Variants in SECISBP2 observed in about 807,000 individuals in gnomAD.
The protein encoded by SECISBP2 is selenocysteine insertion sequence-binding protein 2.
A neutral mutation model predicts 98.2 loss-of-function variants in SECISBP2; 96 were observed. That is an observed-to-expected ratio of 0.98 (90% CI 0.83 to 1.16). The LOEUF (loss-of-function observed/expected upper bound fraction) is 1.16. SECISBP2 is among the 50% of genes most tolerant of loss of function. The pLI is 0.00. For synonymous variants in SECISBP2, 407 were observed against 370.2 expected, an observed-to-expected ratio of 1.10 and a Z score of -1.14; for missense variants, 1,046 against 1,022.9, an observed-to-expected ratio of 1.02 and a Z score of -0.31.
At chr9:89,338,353 CAT>C in intron 7 of SECISBP2, 103 bp from the exon 8 acceptor site, 1 of 1,304,456 alleles carries the variant, frequency 7.7e-7, no homozygotes, top group Non-Finnish European at 1.1e-6. Flanking sequence ...ATAAAATTGT[CAT>C]GTGATTATAG....
intron 7 of SECISBP2, among the ~76,000 whole-genome samples, chr9:89,335,661 C>G (rs1828546024): frequency 6.6e-6 from 1 of 152,254 alleles, no homozygotes; most frequent in Non-Finnish European, 1.5e-5. Context: ...CCTCCAAATC[C>G]TAACTGTAAT....
chr9:89,364,045 G>C (rs1833185358), downstream of SECISBP2: 1 of 1,607,630 alleles, frequency 6.2e-7, no homozygotes, highest in South Asian at 1.1e-5. Context: ...TGCTGTCCCA[G>C]TTGGACCTGA....
intron 14 of SECISBP2, chr9:89,355,253 G>T: frequency 1.0e-6 from 1 of 985,422 alleles, no homozygotes; most frequent in Non-Finnish European, 1.2e-6. Flanking sequence ...TTTTACAGTT[G>T]CTCCGTAAAG....
the SECISBP2 span, among the ~76,000 whole-genome samples, chr9:89,366,090 T>C: frequency 6.6e-6 from 1 of 152,068 alleles, no homozygotes; most frequent in Admixed American, 6.5e-5. Context: ...AGTTGGGAAA[T>C]GTCCAAGAAG....
intron 2 of SECISBP2, chr9:89,324,782 T>G (rs1826402680): frequency 6.5e-6 from 1 of 152,740 alleles, no homozygotes; most frequent in African/African-American, 2.4e-5. Flanking sequence ...GGAAAAAGGT[T>G]GAAACCTGTA....
At chr9:89,320,234 T>C (rs1825496179) in intron 2 of SECISBP2, among the ~76,000 whole-genome samples, 1 of 151,458 alleles carries the variant, frequency 6.6e-6, no homozygotes, top group Non-Finnish European at 1.5e-5. Flanking sequence ...CGGACACCTG[T>C]AATCCCAGGT....
intron 10 of SECISBP2, among the ~76,000 whole-genome samples, chr9:89,341,704 C>T (rs944525613): frequency 1.3e-5 from 2 of 152,154 alleles, no homozygotes; most frequent in East Asian, 3.8e-4. Flanking sequence ...ATGAATAGAA[C>T]AAAGAACAGT....
chr9:89,327,873 C>G (rs917198375), intron 4 of SECISBP2, among the ~76,000 whole-genome samples: 1 of 150,916 alleles, frequency 6.6e-6, no homozygotes, highest in African/African-American at 2.4e-5. Flanking sequence ...TGCAGTGGCA[C>G]TATTTTGGCT....
Position 89,357,406 on chromosome 9 carries a change from A to AC in SECISBP2, c.2114-3dup. On this transcript the variant is annotated splice_polypyrimidine_tract_variant and splice_region_variant and intron_variant, in intron 14 of 16. Coordinates refer to ENST00000375807, the MANE Select transcript of SECISBP2 (RefSeq NM_024077.5). ...TCCTGTCATTTTTCATTGTCCTTTG[A>AC]CCAGGTGGGCTGGATGACACTTTGC... is the stretch of plus-strand genomic sequence containing the variant. 1.2e-6 allele frequency: 2 copies of AC among 1,614,098 alleles called. No individual in the cohort carries two copies. The highest frequency in any genetic ancestry group is 1.7e-6 in the Non-Finnish European group (2 of 1,180,040).
chr9:89,329,083 T>C (rs1248078394), intron 5 of SECISBP2, 197 bp downstream of exon 5: 3 of 593,110 alleles, frequency 5.1e-6, no homozygotes, highest in Non-Finnish European at 8.9e-6. Context: ...TAACATCTAG[T>C]GCAGCTATTG....
chr9:89,343,572 A>G lies in SECISBP2; in HGVS notation c.1435+2093A>G, dbSNP rs1311925311. Among the ~76,000 whole-genome samples the G allele has an allele frequency of 3.9e-5, 6 of 152,082 alleles. No homozygotes were observed. In the East Asian group the frequency reaches 7.7e-4, roughly 20 times the overall value. On this transcript the variant is annotated intron_variant, in intron 10 of 16. Coordinates refer to ENST00000375807, the MANE Select transcript of SECISBP2 (RefSeq NM_024077.5). Reference sequence around the variant, plus strand: ...ATGTGTTCTCATCATTTAGCTCCCAATTATAAGTGAGAACATGTGGTATTT... The same window carrying G: ...ATGTGTTCTCATCATTTAGCTCCCAGTTATAAGTGAGAACATGTGGTATTT...
At chr9:89,341,511 T>C in intron 10 of SECISBP2, 32 bp downstream of exon 10, 10 of 1,613,246 alleles carry the variant, frequency 6.2e-6, no homozygotes, top group Non-Finnish European at 7.6e-6. Context: ...AGGCAAGTGA[T>C]TGGAAGTCTT....
chr9:89,321,945 G>A (rs1385659395), intron 2 of SECISBP2, among the ~76,000 whole-genome samples: 1 of 152,162 alleles, frequency 6.6e-6, no homozygotes, highest in African/African-American at 2.4e-5. Flanking sequence ...AAAAGGAATA[G>A]AAGTTTCTGA....
At chr9:89,329,005 T>C in intron 5 of SECISBP2, 119 bp downstream of exon 5, 1 of 830,948 alleles carries the variant, frequency 1.2e-6, no homozygotes, top group Non-Finnish European at 2.0e-6. Context: ...GGGGAGGATG[T>C]ATTGGGGGAA....
At chr9:89,364,629 CCT>C (rs1491437496), downstream of SECISBP2, 1 of 156,094 alleles carries the variant, frequency 6.4e-6, no homozygotes, top group Non-Finnish European at 1.4e-5. Flanking sequence ...CTGCCGCAAA[CCT>C]CTGTTGTTTT....
At chr9:89,331,365 G>A (rs1251794750) in intron 5 of SECISBP2, among the ~76,000 whole-genome samples, 3 of 152,142 alleles carry the variant, frequency 2.0e-5, no homozygotes, top group Admixed American at 2.0e-4. Flanking sequence ...GAGCATAAAA[G>A]TTATGTTTAC....
Position 89,333,004 on chromosome 9 carries a change from A to C in SECISBP2, c.880+18A>C, listed in dbSNP as rs1249946950. On this transcript the variant is annotated intron_variant, in intron 6 of 16. Transcript: ENST00000375807. ...TACAAGAGGTAAAAGTGGCTGCAAA[A>C]ATGTTAATTTTTAAAATGTCATAGA... The C allele has an allele frequency of 1.2e-6, 2 of 1,603,518 alleles. No homozygotes were observed. Among genetic ancestry groups the C allele is most frequent in the African/African-American group, 2.7e-5 (2 of 74,694 alleles).
intron 6 of SECISBP2, among the ~76,000 whole-genome samples, chr9:89,333,289 G>A (rs907069028): frequency 2.0e-5 from 3 of 152,148 alleles, no homozygotes; most frequent in Admixed American, 2.0e-4. Flanking sequence ...AAGTTTTTGA[G>A]ACCTTTAAAG....
At chr9:89,363,561 CTG>C, downstream of SECISBP2, 3 of 1,612,680 alleles carry the variant, frequency 1.9e-6, no homozygotes, top group Non-Finnish European at 2.5e-6. Flanking sequence ...GGTCAAAGCT[CTG>C]TGGGCCTTTA....
Sources: gnomAD v4.1 joint callset for allele counts (sites outside exome capture counted in the v4.1 genomes callset) on GRCh38, gnomAD v4.1.1 for gene constraint, MANE v1.5 for transcripts, NCBI Gene and HGNC (gene_info 2026-07-23, HGNC 2026-07-21) for gene names.